TNIK: variants seen among roughly 807,000 people sequenced by gnomAD.
The protein encoded by TNIK is TRAF2 and NCK-interacting protein kinase.
Under a neutral mutation model 191.3 loss-of-function variants are expected in TNIK, and 49 were observed. That is an observed-to-expected ratio of 0.26 (90% confidence interval 0.20 to 0.32). The LOEUF (loss-of-function observed/expected upper bound fraction) is 0.32. TNIK is among the 10% of genes least tolerant of loss of function. The probability of loss-of-function intolerance (pLI) is 1.00; values close to 1 mark genes in which losing one functional copy is unlikely to be tolerated. For missense variants in TNIK, 1,155 were observed against 1,702.3 expected (o/e 0.68, Z 5.66); for synonymous variants, 594 against 600.9 (o/e 0.99, Z 0.17).
chr3:171,420,362 G>C (rs888481161), intron 1 of TNIK, among the ~76,000 whole-genome samples: 4 of 152,132 alleles, frequency 2.6e-5, no homozygotes, highest in African/African-American at 9.7e-5. Context: ...GTACATGAAG[G>C]CAAGCAGTAA....
chr3:171,263,308 T>C (rs968744067), intron 2 of TNIK, among the ~76,000 whole-genome samples: 4 of 152,160 alleles, frequency 2.6e-5, no homozygotes. Flanking sequence ...CATAGGAGGA[T>C]ATGAATTGGG....
At chr3:171,249,689 C>G (rs1422489494) in intron 2 of TNIK, among the ~76,000 whole-genome samples, 6 of 152,192 alleles carry the variant, frequency 3.9e-5, no homozygotes, top group Non-Finnish European at 8.8e-5. Context: ...TTAGCTATTA[C>G]TGTCTTGTAC....
At chr3:171,338,696 G>T (rs1757225944) in intron 2 of TNIK, among the ~76,000 whole-genome samples, 1 of 150,106 alleles carries the variant, frequency 6.7e-6, no homozygotes, top group South Asian at 2.1e-4. Context: ...GTAGAGACAG[G>T]ATTTCATCAT....
chr3:171,092,939 G>A (rs1722250099), intron 23 of TNIK, among the ~76,000 whole-genome samples: 1 of 152,186 alleles, frequency 6.6e-6, no homozygotes, highest in African/African-American at 2.4e-5. Flanking sequence ...TCATTTCCGA[G>A]GAGAGAGTGA....
At chr3:171,324,565 A>C (rs1755535114) in intron 2 of TNIK, among the ~76,000 whole-genome samples, 1 of 152,126 alleles carries the variant, frequency 6.6e-6, no homozygotes, top group Admixed American at 6.5e-5. Context: ...GTTCTTGTTC[A>C]TCTAATTGTT....
intron 2 of TNIK, among the ~76,000 whole-genome samples, chr3:171,305,399 A>C (rs1359279443): frequency 6.6e-6 from 1 of 152,200 alleles, no homozygotes; most frequent in Non-Finnish European, 1.5e-5. Flanking sequence ...CTGCATAGCA[A>C]AAGAAACTAT....
chr3:171,161,715 G>A (rs891300367), intron 10 of TNIK, among the ~76,000 whole-genome samples: 26 of 151,890 alleles, frequency 1.7e-4, no homozygotes, highest in Admixed American at 1.5e-3. Context: ...TCAGGAGATC[G>A]AGACCATCCT....
chr3:171,104,336 T>C (rs10428207), intron 21 of TNIK, among the ~76,000 whole-genome samples: 12,445 of 152,208 alleles, frequency 0.082, 1,671 homozygotes, highest in African/African-American at 0.28. Flanking sequence ...ATTTTATTCT[T>C]TGACAATACA....
chr3:171,384,571 A>G (rs1292996390), intron 1 of TNIK, among the ~76,000 whole-genome samples: 1 of 152,258 alleles, frequency 6.6e-6, no homozygotes, highest in African/African-American at 2.4e-5. Context: ...GGGGAAACAT[A>G]GAAAACATCC....
intron 2 of TNIK, among the ~76,000 whole-genome samples, chr3:171,325,020 G>A (rs1467747862): frequency 6.6e-6 from 1 of 152,082 alleles, no homozygotes; most frequent in Non-Finnish European, 1.5e-5. Context: ...AGAATGGCGT[G>A]AATCCAGGAG....
intron 1 of TNIK, among the ~76,000 whole-genome samples, chr3:171,385,791 C>G (rs2108532054): frequency 6.6e-6 from 1 of 152,298 alleles, no homozygotes; most frequent in East Asian, 1.9e-4. Context: ...CATATGCATT[C>G]AGCAAACTTT....
At chr3:171,318,689 G>GA (rs1467550870) in intron 2 of TNIK, among the ~76,000 whole-genome samples, 4 of 151,758 alleles carry the variant, frequency 2.6e-5, no homozygotes, top group Admixed American at 6.6e-5. Flanking sequence ...TTTTTTAATT[G>GA]AAAAAAAGCA....
intron 2 of TNIK, chr3:171,347,231 AAAAAAG>A: frequency 6.6e-7 from 1 of 1,526,386 alleles, no homozygotes; most frequent in Non-Finnish European, 8.7e-7. Flanking sequence ...GAAAAAAAAA[AAAAAAG>A]AAAAGAAAAA....
intron 12 of TNIK, among the ~76,000 whole-genome samples, chr3:171,148,636 C>G (rs920968461): frequency 6.6e-6 from 1 of 152,048 alleles, no homozygotes; most frequent in African/African-American, 2.4e-5. Context: ...CAGAGAGGGC[C>G]ACTCCAGTAC....
chr3:171,189,267 A>G (rs956747275), intron 6 of TNIK, among the ~76,000 whole-genome samples: 1 of 152,130 alleles, frequency 6.6e-6, no homozygotes, highest in Non-Finnish European at 1.5e-5. Flanking sequence ...CTTCCTTCTC[A>G]AGGTTGAATA....
chr3:171,287,525 T>C (rs931585106), intron 2 of TNIK, among the ~76,000 whole-genome samples: 1 of 152,322 alleles, frequency 6.6e-6, no homozygotes, highest in Admixed American at 6.5e-5. Context: ...GGCATGGAAG[T>C]CTCCTAACAA....
intron 12 of TNIK, among the ~76,000 whole-genome samples, chr3:171,152,238 C>T (rs983161767): frequency 2.0e-5 from 3 of 151,434 alleles, no homozygotes; most frequent in Admixed American, 6.6e-5. Flanking sequence ...CTGAGATGAT[C>T]GTGCCTCCAA....
chr3:171,185,740 T>C (rs897809830), intron 7 of TNIK, among the ~76,000 whole-genome samples: 1 of 152,252 alleles, frequency 6.6e-6, no homozygotes, highest in African/African-American at 2.4e-5. Context: ...TAAAAAGTTA[T>C]AGTGGTCTTT....
At chr3:171,153,808 C>T (rs372761672) in intron 12 of TNIK, among the ~76,000 whole-genome samples, 3 of 152,170 alleles carry the variant, frequency 2.0e-5, no homozygotes, top group African/African-American at 2.4e-5. Flanking sequence ...CCTCCTGTAG[C>T]GGGACTCTGA....
Sources: gnomAD v4.1 joint callset for allele counts (sites outside exome capture counted in the v4.1 genomes callset) on GRCh38, gnomAD v4.1.1 for gene constraint, MANE v1.5 for transcripts, NCBI Gene and HGNC (gene_info 2026-07-23, HGNC 2026-07-21) for gene names.